Variants in SDHC observed in about 807,000 individuals in gnomAD.
The protein encoded by SDHC is succinate dehydrogenase cytochrome b560 subunit, mitochondrial.
SDHC carries 11 observed loss-of-function variants against 22.6 expected under a neutral mutation model. That is an observed-to-expected ratio of 0.49 (90% CI 0.31 to 0.81). The LOEUF is 0.81. SDHC is among the 30% of genes least tolerant of loss of function. The probability of loss-of-function intolerance (pLI) is 0.05; values close to 1 mark genes in which losing one functional copy is unlikely to be tolerated. For synonymous variants in SDHC, 80 were observed against 77.8 expected (o/e 1.03, Z -0.15); for missense variants, 160 against 212.0 (o/e 0.75, Z 1.52).
At chr1:161,355,519 T>G (rs1463350522) in intron 4 of SDHC, among the ~76,000 whole-genome samples, 1 of 152,254 alleles carries the variant, frequency 6.6e-6, no homozygotes, top group African/African-American at 2.4e-5. Flanking sequence ...GTGAAACCAC[T>G]GCCTAATCCA....
rs1006797139 is a variant in SDHC, at chr1:161,352,834, G to A, written c.242-3843G>A. On this transcript the variant is annotated intron_variant, in intron 4 of 5. Coordinates refer to ENST00000367975, the MANE Select transcript of SDHC (RefSeq NM_003001.5). Reference sequence around the variant, plus strand: ...TACTAAAAATACAAAAAAATTAGCCGGGCGTGGTGGCACACACCCGTAGTC... The same window carrying A: ...TACTAAAAATACAAAAAAATTAGCCAGGCGTGGTGGCACACACCCGTAGTC... Among the ~76,000 whole-genome samples the A allele has an allele frequency of 3.9e-5, 6 of 152,158 alleles. No individual in the cohort carries two copies. The South Asian group carries it at 1.0e-3, about 26-fold the overall frequency.
At chr1:161,316,398 C>T (rs1037002340) in intron 1 of SDHC, among the ~76,000 whole-genome samples, 4 of 152,212 alleles carry the variant, frequency 2.6e-5, no homozygotes, top group Admixed American at 6.5e-5. Flanking sequence ...GGAGTGGTGA[C>T]GACTCTTAAT....
In SDHC at chr1:161,340,606, C is replaced by T; in HGVS notation, c.192C>T (p.Pro64=). The T allele has an allele frequency of 6.2e-7, 1 of 1,613,756 alleles. No individual in the cohort carries two copies. The highest frequency in any genetic ancestry group is 8.5e-7 in the Non-Finnish European group (1 of 1,179,700). The change falls in exon 4 of 6, where the codon CCC becomes CCT. Residue 64 remains proline, a synonymous_variant. Coordinates refer to ENST00000367975, the MANE Select transcript of SDHC (RefSeq NM_003001.5). The part of the protein sequence containing the change: ...PHITIYSWSL[P]MAMSICHRGT... Reference sequence around the variant, plus strand: ...TGTTTCTTTACAGTTGGTCTCTTCCCATGGCGATGTCCATCTGCCACCGTG... The same window carrying T: ...TGTTTCTTTACAGTTGGTCTCTTCCTATGGCGATGTCCATCTGCCACCGTG...
chr1:161,325,111 G>A (rs1226557280), intron 2 of SDHC, among the ~76,000 whole-genome samples: 1 of 152,122 alleles, frequency 6.6e-6, no homozygotes, highest in African/African-American at 2.4e-5. Flanking sequence ...GGAGGCTAAG[G>A]CAGGAAGATG....
At chr1:161,340,772 G>C in intron 4 of SDHC, 117 bp downstream of exon 4, 1 of 786,612 alleles carries the variant, frequency 1.3e-6, no homozygotes, top group South Asian at 1.4e-5. Context: ...GGAACAGTAA[G>C]TCTCTTAAGT....
At chr1:161,360,784 C>A (rs1272248825) in intron 5 of SDHC, among the ~76,000 whole-genome samples, 1 of 151,708 alleles carries the variant, frequency 6.6e-6, no homozygotes, top group Non-Finnish European at 1.5e-5. Flanking sequence ...TAGTGGCATG[C>A]TACCAACAAA....
chr1:161,338,618 A>G (rs74127640), intron 3 of SDHC, among the ~76,000 whole-genome samples: 12,000 of 152,284 alleles, frequency 0.079, 563 homozygotes, highest in East Asian at 0.17. Flanking sequence ...ACTGTGGATT[A>G]AGAAATATAT....
At chr1:161,328,007 A>ATT (rs778403973) in intron 2 of SDHC, among the ~76,000 whole-genome samples, 5 of 138,320 alleles carry the variant, frequency 3.6e-5, no homozygotes, top group African/African-American at 2.7e-5. Context: ...GATACTGCAA[A>ATT]TTTTTTTTTT....
At chr1:161,344,131 A>T (rs976804184) in intron 4 of SDHC, among the ~76,000 whole-genome samples, 2 of 151,558 alleles carry the variant, frequency 1.3e-5, no homozygotes, top group South Asian at 2.1e-4. Context: ...CTAAAAAAAT[A>T]CAAAAAAAAA....
intron 3 of SDHC, among the ~76,000 whole-genome samples, chr1:161,335,322 T>C (rs1403176078): frequency 6.6e-6 from 1 of 152,210 alleles, no homozygotes; most frequent in Non-Finnish European, 1.5e-5. Flanking sequence ...AATAAGGATG[T>C]TGTATTAATT....
chr1:161,331,454 C>G (rs13376158), intron 3 of SDHC, among the ~76,000 whole-genome samples: 17,743 of 151,862 alleles, frequency 0.12, 1,403 homozygotes, highest in African/African-American at 0.22. Context: ...TTTTTATAGA[C>G]ATGGTGTATC....
Position 161,362,343 on chromosome 1 carries a change from A to C in SDHC, c.420A>C (p.Gly140=). ...NGIRHLMWDL[G]KGLKIPQLYQ... ...TTTGTCCACAGATGTGGGACCTAGGAAAAGGCCTGAAGATTCCCCAGCTAT... is the reference window on the plus strand; with the variant it reads ...TTTGTCCACAGATGTGGGACCTAGGCAAAGGCCTGAAGATTCCCCAGCTAT... Residue 140 remains glycine, a synonymous_variant, in exon 6 of 6, where the codon GGA becomes GGC. Transcript: ENST00000367975. 1 of 1,612,750 alleles carries C rather than the reference A, an allele frequency of 6.2e-7. No individual in the cohort carries two copies. Among genetic ancestry groups the C allele is most frequent in the Non-Finnish European group, 8.5e-7 (1 of 1,179,614 alleles).
intron 4 of SDHC, among the ~76,000 whole-genome samples, chr1:161,341,856 C>G (rs1183280019): frequency 6.6e-6 from 1 of 151,640 alleles, no homozygotes; most frequent in African/African-American, 2.4e-5. Flanking sequence ...TTGTCTGTTC[C>G]CTGAGGGCTT....
intron 3 of SDHC, chr1:161,339,667 T>TTTTTTGTTTTTTTG (rs1445691493): frequency 4.2e-6 from 1 of 236,388 alleles, no homozygotes; most frequent in African/African-American, 3.5e-5. Context: ...CAGGTGTTTT[T>TTTTTTGTTTTTTTG]TTTTTTTTTT....
chr1:161,315,120 G>A (rs962063546), intron 1 of SDHC, among the ~76,000 whole-genome samples: 3 of 152,158 alleles, frequency 2.0e-5, no homozygotes, highest in African/African-American at 7.2e-5. Context: ...CGCTGTCTAG[G>A]TCTCATTCTC....
At chr1:161,358,238 G>A (rs1438947427) in intron 5 of SDHC, among the ~76,000 whole-genome samples, 1 of 150,988 alleles carries the variant, frequency 6.6e-6, no homozygotes, top group African/African-American at 2.4e-5. Flanking sequence ...AGTAGAGACG[G>A]GATTTTGCCA....
At chr1:161,338,415 T>G (rs1421055083) in intron 3 of SDHC, among the ~76,000 whole-genome samples, 1 of 152,244 alleles carries the variant, frequency 6.6e-6, no homozygotes, top group East Asian at 1.9e-4. Flanking sequence ...ATGCTTAGTA[T>G]TCTTTGTCTA....
At chr1:161,349,233 C>T (rs985002784) in intron 4 of SDHC, among the ~76,000 whole-genome samples, 3 of 152,148 alleles carry the variant, frequency 2.0e-5, no homozygotes, top group African/African-American at 7.2e-5. Context: ...GAGGCCAAGG[C>T]AGGTGGATTG....
intron 3 of SDHC, among the ~76,000 whole-genome samples, chr1:161,337,768 T>C (rs764802367): frequency 1.2e-4 from 18 of 152,222 alleles, no homozygotes; most frequent in Non-Finnish European, 2.5e-4. Context: ...ACAGTGCATA[T>C]GTTTCTTCTA....
Sources: gnomAD v4.1 joint callset for allele counts (sites outside exome capture counted in the v4.1 genomes callset) on GRCh38, gnomAD v4.1.1 for gene constraint, MANE v1.5 for transcripts, NCBI Gene and HGNC (gene_info 2026-07-23, HGNC 2026-07-21) for gene names.